Variants in NCKAP5 observed in about 807,000 individuals in gnomAD.
NCKAP5 encodes the protein NCK associated protein 5, also known as nck-associated protein 5.
A neutral mutation model predicts 167.0 loss-of-function variants in NCKAP5; 92 were observed. The observed-to-expected ratio is 0.55, with a 90% CI of 0.47 to 0.66. The LOEUF is 0.66. NCKAP5 is among the 30% of genes least tolerant of loss of function. The pLI is 0.00. For synonymous variants in NCKAP5, 891 were observed against 877.4 expected, an observed-to-expected ratio of 1.02 and a Z score of -0.27; for missense variants, 2,378 against 2,315.0, an observed-to-expected ratio of 1.03 and a Z score of -0.56.
chr2:133,157,947 T>C (rs1325967731), intron 5 of NCKAP5, among the ~76,000 whole-genome samples: 2 of 152,322 alleles, frequency 1.3e-5, no homozygotes, highest in East Asian at 1.9e-4. Context: ...ACTAGTTAAT[T>C]CTCTACCTCA....
Position 132,785,353 on chromosome 2 carries a change from T to G in NCKAP5, c.1458A>C (p.Ala486=), listed in dbSNP as rs1391748137. Residue 486 remains alanine (A), a synonymous_variant, in exon 14 of 20, where the codon GCA becomes GCC. Coordinates refer to ENST00000409261, the MANE Select transcript of NCKAP5 (RefSeq NM_207363.3). Reference sequence around the variant, plus strand: ...TCTGGTTTGGAACTGCTTGGAGCAATGCTAAGGTGGAAGGGTCATCGTCCG... The same window carrying G: ...TCTGGTTTGGAACTGCTTGGAGCAAGGCTAAGGTGGAAGGGTCATCGTCCG... ...VDADDDPSTL[A]LLQAVPNQSC... The G allele has an allele frequency of 6.2e-7, 1 of 1,613,942 alleles. No individual in the cohort carries two copies. Among genetic ancestry groups the G allele is most frequent in the Non-Finnish European group, 8.5e-7 (1 of 1,179,866 alleles).
intron 3 of NCKAP5, among the ~76,000 whole-genome samples, chr2:133,389,522 A>T (rs2150983641): frequency 6.6e-6 from 1 of 152,350 alleles, no homozygotes; most frequent in South Asian, 2.1e-4. Context: ...TTTGGTATGT[A>T]TTAGAGACTC....
chr2:132,692,165 C>T (rs1686819385), intron 19 of NCKAP5, among the ~76,000 whole-genome samples: 1 of 108,928 alleles, frequency 9.2e-6, no homozygotes, highest in South Asian at 2.7e-4. Context: ...TTTTTTGAGA[C>T]AGAGTCTCAC....
chr2:133,371,788 T>C (rs1050062200), intron 3 of NCKAP5, among the ~76,000 whole-genome samples: 2 of 152,172 alleles, frequency 1.3e-5, no homozygotes, highest in Non-Finnish European at 2.9e-5. Flanking sequence ...GTGCTGCCCC[T>C]ACCTGGTTCT....
chr2:133,333,121 C>T (rs769869226), intron 3 of NCKAP5, among the ~76,000 whole-genome samples: 2 of 152,154 alleles, frequency 1.3e-5, no homozygotes, highest in Non-Finnish European at 2.9e-5. Context: ...GAATACAAAG[C>T]CTCCACAAAT....
intron 5 of NCKAP5, 112 bp downstream of exon 5, chr2:133,213,604 T>G (rs541922011): frequency 9.9e-7 from 1 of 1,008,982 alleles, no homozygotes; most frequent in East Asian, 2.6e-5. Context: ...AAAATATCAT[T>G]AAGTTTGCTG....
At chr2:132,980,979 A>C (rs2077120416) in intron 7 of NCKAP5, among the ~76,000 whole-genome samples, 1 of 152,238 alleles carries the variant, frequency 6.6e-6, no homozygotes, top group East Asian at 1.9e-4. Context: ...AAGCTTATTA[A>C]TACAGAACAA....
chr2:132,887,352 C>CTATCTATCTATCT (rs1558902689), intron 8 of NCKAP5, among the ~76,000 whole-genome samples: 78 of 112,826 alleles, frequency 6.9e-4, no homozygotes, highest in African/African-American at 1.7e-3. Context: ...TCTATCTATC[C>CTATCTATCTATCT]ATCCATCCAT....
rs756311450 is a variant in NCKAP5, at chr2:132,783,414, C to T, written c.3397G>A (p.Gly1133Ser). 1 of 1,592,356 alleles carries T rather than the reference C, an allele frequency of 6.3e-7. No homozygotes were observed. The highest frequency in any genetic ancestry group is 1.7e-5 in the Admixed American group (1 of 57,930). ...SPAKSHNSPH[G>S]CQSAHEKGLK... ...CCTTTCTCATGAGCACTTTGACAAC[C>T]ATGAGGGCTGTTATGGCTTTTGGCG... is the stretch of plus-strand genomic sequence containing the variant. Residue 1133 changes from glycine (G) to serine (S), a missense_variant, in exon 14 of 20, where the codon GGT becomes AGT. Gly to Ser is a moderately conservative substitution (Grantham distance 56). Around this residue, in one of 3 missense-constraint regions of NCKAP5, gnomAD observed 1,325 missense variants for 1,274.5 expected, o/e 1.04. Transcript: ENST00000409261.
chr2:133,148,018 A>T (rs1189952277), intron 5 of NCKAP5, among the ~76,000 whole-genome samples: 2 of 152,136 alleles, frequency 1.3e-5, no homozygotes, highest in Admixed American at 1.3e-4. Flanking sequence ...TGCAAATGTA[A>T]TTGAGCCTCT....
intron 15 of NCKAP5, among the ~76,000 whole-genome samples, chr2:132,778,736 C>T (rs535894779): frequency 1.7e-4 from 26 of 152,202 alleles, no homozygotes; most frequent in Non-Finnish European, 3.2e-4. Context: ...CTCTTCAACT[C>T]TGAATTTTAA....
intron 3 of NCKAP5, among the ~76,000 whole-genome samples, chr2:133,498,433 CGGAAGGAAGGAAGGAAGGAA>C (rs749222948): frequency 0.021 from 2,063 of 100,346 alleles, 84 homozygotes; most frequent in African/African-American, 0.074. Flanking sequence ...ATGAGAAAAA[CGGAAGGAAGGAAGGAAGGAA>C]GGAAGGAAGG....
At chr2:132,727,989 C>A (rs772744447) in intron 18 of NCKAP5, among the ~76,000 whole-genome samples, 10 of 152,194 alleles carry the variant, frequency 6.6e-5, no homozygotes, top group Non-Finnish European at 1.0e-4. Context: ...GCAACCAAGG[C>A]TCTTGATACC....
chr2:133,595,420 C>T, the NCKAP5 span, among the ~76,000 whole-genome samples: 2 of 150,746 alleles, frequency 1.3e-5, no homozygotes, highest in Admixed American at 1.3e-4. Flanking sequence ...CTCCTCCTCC[C>T]CACCTCCTCT....
intron 19 of NCKAP5, among the ~76,000 whole-genome samples, chr2:132,696,706 T>G (rs2709546): frequency 0.66 from 99,537 of 151,940 alleles, 33,823 homozygotes; most frequent in African/African-American, 0.85. Flanking sequence ...TCTCAGAATT[T>G]AAGGAGAGAA....
chr2:132,922,898 T>C (rs1695554754), intron 8 of NCKAP5, among the ~76,000 whole-genome samples: 3 of 152,328 alleles, frequency 2.0e-5, no homozygotes, highest in South Asian at 4.1e-4. Flanking sequence ...GGTCTTTTAA[T>C]GGAATCAATA....
chr2:133,238,903 A>G (rs1332688744), intron 4 of NCKAP5, among the ~76,000 whole-genome samples: 1 of 152,156 alleles, frequency 6.6e-6, no homozygotes, highest in Non-Finnish European at 1.5e-5. Flanking sequence ...GGGTCTGTAA[A>G]ATCCCCTTCC....
At chr2:133,422,703 T>C (rs1434954492) in intron 3 of NCKAP5, among the ~76,000 whole-genome samples, 1 of 152,186 alleles carries the variant, frequency 6.6e-6, no homozygotes, top group Non-Finnish European at 1.5e-5. Context: ...GAAGTGTTGA[T>C]GGCTCTTTTA....
chr2:133,431,045 G>T (rs1435771029), intron 3 of NCKAP5, among the ~76,000 whole-genome samples: 3 of 152,012 alleles, frequency 2.0e-5, no homozygotes, highest in Non-Finnish European at 4.4e-5. Context: ...GAGTTTTCTA[G>T]CTACACAATG....
Sources: allele counts gnomAD v4.1 joint callset (sites outside exome capture counted in the v4.1 genomes callset), GRCh38; gene constraint gnomAD v4.1.1; regional missense constraint gnomAD v4.1.1; transcripts MANE v1.5; gene names NCBI Gene and HGNC (gene_info 2026-07-23, HGNC 2026-07-21).